Variants in SEMA5A observed in about 807,000 individuals in gnomAD.
The protein encoded by SEMA5A is semaphorin 5A, also known as semaphorin-5A.
A neutral mutation model predicts 135.5 loss-of-function variants in SEMA5A; 55 were observed. That is an observed-to-expected ratio of 0.41 (90% CI 0.33 to 0.51). The LOEUF (loss-of-function observed/expected upper bound fraction) is 0.51, where lower values mean the gene tolerates loss of function less well. Among genes scored for constraint, SEMA5A ranks in the 20% least tolerant of loss-of-function variants. The probability of loss-of-function intolerance (pLI) is 0.37; values close to 1 mark genes in which losing one functional copy is unlikely to be tolerated. For missense variants in SEMA5A, 1,290 were observed against 1,419.9 expected (o/e 0.91, Z 1.47); for synonymous variants, 580 against 546.5 (o/e 1.06, Z -0.85).
chr5:9,141,582 T>C (rs929388013), intron 12 of SEMA5A, among the ~76,000 whole-genome samples: 1 of 152,260 alleles, frequency 6.6e-6, no homozygotes, highest in Admixed American at 6.5e-5. Flanking sequence ...AACACACTTA[T>C]TGAGGGTATT....
In SEMA5A at chr5:9,041,411, C is replaced by T. The variant is rs545686865; in HGVS notation, c.*1486G>A. Reference sequence around the variant, plus strand: ...GAGGCATCAGATGAACTTTTTCAGTCGTGTTCTTTTTTTCAATAATTATTC... The same window carrying T: ...GAGGCATCAGATGAACTTTTTCAGTTGTGTTCTTTTTTTCAATAATTATTC... On this transcript the variant is annotated 3_prime_UTR_variant, in exon 23 of 23. Transcript: ENST00000382496. 11 of 152,196 alleles carry T rather than the reference C, an allele frequency of 7.2e-5. No homozygotes were observed. Among genetic ancestry groups the T allele is most frequent in the South Asian group, 4.1e-4 (2 of 4,826 alleles). 9.4% of individuals were successfully genotyped at this position (152,196 alleles called of 1,614,324 possible).
chr5:9,522,885 C>T (rs989632471), intron 1 of SEMA5A: 3 of 152,140 alleles, frequency 2.0e-5, no homozygotes, highest in African/African-American at 7.2e-5. Flanking sequence ...GACGTGGCTT[C>T]CCTTCTCATA....
chr5:9,468,996 TTTTTG>T (rs898374747), intron 1 of SEMA5A, among the ~76,000 whole-genome samples: 4 of 152,088 alleles, frequency 2.6e-5, no homozygotes, highest in South Asian at 2.1e-4. Context: ...GCAATGGATT[TTTTTG>T]TTTTGTTTTG....
At chr5:9,355,673 T>C (rs1240669545) in intron 3 of SEMA5A, among the ~76,000 whole-genome samples, 1 of 152,140 alleles carries the variant, frequency 6.6e-6, no homozygotes, top group Non-Finnish European at 1.5e-5. Context: ...TCAGAGGGGC[T>C]GGGCAGAAGA....
intron 1 of SEMA5A, among the ~76,000 whole-genome samples, chr5:9,450,583 C>A (rs1245668771): frequency 6.6e-6 from 1 of 152,140 alleles, no homozygotes; most frequent in Non-Finnish European, 1.5e-5. Context: ...CTGCCTGTCA[C>A]ACCTACACCC....
intron 8 of SEMA5A, among the ~76,000 whole-genome samples, chr5:9,203,725 T>C (rs1230147830): frequency 6.6e-6 from 1 of 152,200 alleles, no homozygotes; most frequent in Non-Finnish European, 1.5e-5. Context: ...TGTTAAGTCA[T>C]TGAAGTATAT....
chr5:9,088,821 A>C (rs529299282), intron 16 of SEMA5A, among the ~76,000 whole-genome samples: 11 of 152,116 alleles, frequency 7.2e-5, no homozygotes, highest in Admixed American at 4.6e-4. Context: ...GCAGAATAAA[A>C]GTCAAAGTGC....
At chr5:9,314,704 A>C (rs1752315234) in intron 5 of SEMA5A, among the ~76,000 whole-genome samples, 1 of 152,152 alleles carries the variant, frequency 6.6e-6, no homozygotes, top group Admixed American at 6.6e-5. Context: ...GATATAAAAA[A>C]AAAAAGTGTG....
At chr5:9,311,327 C>A (rs1752121398) in intron 5 of SEMA5A, among the ~76,000 whole-genome samples, 1 of 151,934 alleles carries the variant, frequency 6.6e-6, no homozygotes. Context: ...AAAATTGACT[C>A]ACGTTGAAAC....
intron 16 of SEMA5A, among the ~76,000 whole-genome samples, chr5:9,088,659 T>TATATATATATATATACACAC: frequency 0.071 from 7,932 of 111,002 alleles, 494 homozygotes; most frequent in Non-Finnish European, 0.1. Flanking sequence ...TATATATATA[T>TATATATATATATATACACAC]ACACACACAC....
At position 9,384,629 on chromosome 5, in the gene SEMA5A, TAGATAGATAGATAGATAG is replaced by T. The variant is rs1561207958; in HGVS notation, c.-77-4624_-77-4607del. Among the ~76,000 whole-genome samples the T allele has an allele frequency of 5.1e-4, 60 of 117,398 alleles. 1 individual carries two copies. The highest frequency in any genetic ancestry group is 1.1e-3 in the South Asian group (4 of 3,798). The allele number at this position is 117,398 out of a possible 152,430, so 77.0% of individuals were successfully genotyped here. On this transcript the variant is annotated intron_variant, in intron 2 of 22. Coordinates refer to ENST00000382496, the MANE Select transcript of SEMA5A (RefSeq NM_003966.3). ...ATAGATAGATAGATACATAGATAGATAGATAGATAGATAGATAGATAGATAGATAGATATAGATAGATA... is the reference window on the plus strand; with the variant it reads ...ATAGATAGATAGATACATAGATAGATATAGATAGATAGATATAGATAGATA...
At chr5:9,317,357 G>A (rs1561139963) in intron 5 of SEMA5A, among the ~76,000 whole-genome samples, 1 of 151,990 alleles carries the variant, frequency 6.6e-6, no homozygotes, top group Non-Finnish European at 1.5e-5. Flanking sequence ...GTATGGAGTT[G>A]GCAGTGATTT....
At chr5:9,175,963 C>T (rs1744182528) in intron 11 of SEMA5A, among the ~76,000 whole-genome samples, 1 of 152,212 alleles carries the variant, frequency 6.6e-6, no homozygotes, top group South Asian at 2.1e-4. Flanking sequence ...CTATCATTCC[C>T]AACCCCTGGT....
In SEMA5A at chr5:9,109,871, G is replaced by A. The variant is rs186688106; in HGVS notation, c.1926-1584C>T. On this transcript the variant is annotated intron_variant, in intron 15 of 22. Coordinates refer to ENST00000382496, the MANE Select transcript of SEMA5A (RefSeq NM_003966.3). Reference sequence around the variant, plus strand: ...TCTGGAACTGAAAATAGGGGCAAATGGTAGCCAGCCACCAGGAAAAGAAAC... The same window carrying A: ...TCTGGAACTGAAAATAGGGGCAAATAGTAGCCAGCCACCAGGAAAAGAAAC... 1.1e-4 allele frequency among the ~76,000 whole-genome samples: 17 copies of A among 152,292 alleles called. No individual in the cohort carries two copies. The East Asian group carries it at 1.7e-3, about 16-fold the overall frequency.
At chr5:9,060,553 C>T (rs769623243) in intron 18 of SEMA5A, among the ~76,000 whole-genome samples, 1 of 152,038 alleles carries the variant, frequency 6.6e-6, no homozygotes, top group Non-Finnish European at 1.5e-5. Flanking sequence ...CAGAGGAGGA[C>T]TCCTTTTACT....
At chr5:9,509,193 C>G (rs1260414790) in intron 1 of SEMA5A, among the ~76,000 whole-genome samples, 1 of 152,010 alleles carries the variant, frequency 6.6e-6, no homozygotes, top group Non-Finnish European at 1.5e-5. Context: ...GGAAAGTTCA[C>G]TTTTACATTT....
At chr5:9,353,357 G>GGAAAA (rs1754290849) in intron 3 of SEMA5A, among the ~76,000 whole-genome samples, 1 of 98,622 alleles carries the variant, frequency 1.0e-5, no homozygotes, top group Middle Eastern at 7.0e-3. Context: ...GGAAAGGGAA[G>GGAAAA]GAAAGGAAAG....
At chr5:9,090,808 C>T (rs1006299605) in intron 16 of SEMA5A, among the ~76,000 whole-genome samples, 10 of 152,144 alleles carry the variant, frequency 6.6e-5, no homozygotes, top group Admixed American at 6.5e-5. Context: ...AGGAAAGCCC[C>T]GGCATCACCA....
chr5:9,249,176 G>A (rs973888085), intron 5 of SEMA5A, among the ~76,000 whole-genome samples: 2 of 152,158 alleles, frequency 1.3e-5, no homozygotes, highest in African/African-American at 4.8e-5. Flanking sequence ...AGAAAGCCTA[G>A]ACACAGGAGA....
Sources: gnomAD v4.1 joint callset for allele counts (sites outside exome capture counted in the v4.1 genomes callset) on GRCh38, gnomAD v4.1.1 for gene constraint, MANE v1.5 for transcripts, NCBI Gene and HGNC (gene_info 2026-07-23, HGNC 2026-07-21) for gene names.